EPB41L4A: variants seen among roughly 807,000 people sequenced by gnomAD.
The protein encoded by EPB41L4A is band 4.1-like protein 4A.
A neutral mutation model predicts 108.6 loss-of-function variants in EPB41L4A; 100 were observed. The ratio of observed to expected loss-of-function variants is 0.92; its 90% CI spans 0.78 to 1.09. The LOEUF is 1.09. EPB41L4A is among the 50% of genes least tolerant of loss of function. The pLI is 0.00. For synonymous variants in EPB41L4A, 319 were observed against 289.0 expected, an observed-to-expected ratio of 1.10 and a Z score of -1.05; for missense variants, 1,030 against 842.7, an observed-to-expected ratio of 1.22 and a Z score of -2.75.
chr5:112,309,671 T>C (rs991183347), intron 1 of EPB41L4A, among the ~76,000 whole-genome samples: 7 of 152,184 alleles, frequency 4.6e-5, no homozygotes, highest in African/African-American at 9.6e-5. Flanking sequence ...ACCCCTATAA[T>C]TGTGTTATGC....
chr5:112,142,001 A>G (rs1247338504), downstream of EPB41L4A, among the ~76,000 whole-genome samples: 1 of 152,170 alleles, frequency 6.6e-6, no homozygotes, highest in Non-Finnish European at 1.5e-5. Context: ...TGAAAGGAGG[A>G]TTTGAGCCGA....
At chr5:112,280,742 TATA>T (rs1358800913) in intron 2 of EPB41L4A, among the ~76,000 whole-genome samples, 1 of 152,204 alleles carries the variant, frequency 6.6e-6, no homozygotes, top group Non-Finnish European at 1.5e-5. Context: ...TCATACTGAT[TATA>T]ATGTGACATC....
intron 8 of EPB41L4A, 39 bp downstream of exon 8, chr5:112,259,852 A>C: frequency 6.5e-7 from 1 of 1,528,042 alleles, no homozygotes; most frequent in Non-Finnish European, 9.1e-7. Flanking sequence ...CATAAGCCCA[A>C]AACATAGAAT....
At chr5:112,311,258 C>T (rs565673268) in intron 1 of EPB41L4A, among the ~76,000 whole-genome samples, 29 of 152,186 alleles carry the variant, frequency 1.9e-4, no homozygotes, top group African/African-American at 6.5e-4. Context: ...AGGCCAGTAT[C>T]CCAAGTAAAA....
chr5:112,327,412 T>C (rs1756244844), intron 1 of EPB41L4A, among the ~76,000 whole-genome samples: 1 of 152,172 alleles, frequency 6.6e-6, no homozygotes, highest in African/African-American at 2.4e-5. Context: ...CCTGTTTCTC[T>C]TGTGGTAAGA....
chr5:112,231,173 A>C (rs138581847), intron 12 of EPB41L4A, among the ~76,000 whole-genome samples: 1,928 of 152,326 alleles, frequency 0.013, 14 homozygotes, highest in Non-Finnish European at 0.018. Flanking sequence ...AGATTGGTTG[A>C]ATTGTCACAT....
At chr5:112,236,024 C>T (rs1464334763) in intron 11 of EPB41L4A, among the ~76,000 whole-genome samples, 2 of 152,124 alleles carry the variant, frequency 1.3e-5, no homozygotes, top group African/African-American at 2.4e-5. Flanking sequence ...AAGATAAGGC[C>T]TACTTTCAAC....
chr5:112,321,525 G>A (rs966881681), intron 1 of EPB41L4A, among the ~76,000 whole-genome samples: 4 of 152,140 alleles, frequency 2.6e-5, no homozygotes, highest in African/African-American at 7.2e-5. Context: ...TTGGCAAAAT[G>A]CTCTCTCCTA....
chr5:112,188,640 T>C lies in EPB41L4A; in HGVS notation c.1503-4505A>G, dbSNP rs140187805. On this transcript the variant is annotated intron_variant, in intron 17 of 22. Coordinates refer to ENST00000261486, the MANE Select transcript of EPB41L4A (RefSeq NM_022140.5). ...AAAGTAGAAATCAGAAACCCTTGCA[T>C]CTGCAGTACGGTGAACACTGTTTCC... Among the ~76,000 whole-genome samples, 210 of 152,274 alleles carry C rather than the reference T, an allele frequency of 1.4e-3. 2 individuals are homozygous for C. Among genetic ancestry groups the C allele is most frequent in the African/African-American group, 4.7e-3 (196 of 41,550 alleles).
intron 7 of EPB41L4A, among the ~76,000 whole-genome samples, chr5:112,261,571 T>C (rs1646863596): frequency 1.3e-5 from 2 of 152,232 alleles, no homozygotes; most frequent in African/African-American, 4.8e-5. Context: ...ATTGGTAGCC[T>C]AAGAGAAGTA....
rs928953785 is a variant in EPB41L4A, at chr5:112,195,568, A to T, written c.1424+93T>A. Reference sequence around the variant, plus strand: ...TTTTGAAAGTAAAAAAAATAAAAAAAAATAATGCCCCCGCTCTTTCCTTAA... The same window carrying T: ...TTTTGAAAGTAAAAAAAATAAAAAATAATAATGCCCCCGCTCTTTCCTTAA... On this transcript the variant is annotated intron_variant, in intron 16 of 22. Transcript: ENST00000261486. The T allele has an allele frequency of 2.7e-5, 29 of 1,082,246 alleles. No homozygotes were observed. The African/African-American group carries it at 2.7e-4, about 10-fold the overall frequency. The allele number at this position is 1,082,246 out of a possible 1,614,324, so 67.0% of individuals were successfully genotyped here.
At chr5:112,146,738 G>A (rs995873376) in intron 12 of EPB41L4A, among the ~76,000 whole-genome samples, 15 of 152,088 alleles carry the variant, frequency 9.9e-5, no homozygotes, top group South Asian at 6.2e-4. Context: ...TTTAACCCTC[G>A]TTGCTACTGG....
chr5:112,345,311 T>C (rs1413755695), intron 1 of EPB41L4A, among the ~76,000 whole-genome samples: 1 of 152,026 alleles, frequency 6.6e-6, no homozygotes. Flanking sequence ...AAATATGAAA[T>C]AATAGGGAAC....
At chr5:112,251,837 C>G (rs1750696592) in intron 9 of EPB41L4A, among the ~76,000 whole-genome samples, 1 of 152,024 alleles carries the variant, frequency 6.6e-6, no homozygotes. Context: ...TACATGAGCA[C>G]AGGAATGAAG....
chr5:112,341,729 T>A (rs1266823022), intron 1 of EPB41L4A, among the ~76,000 whole-genome samples: 1 of 150,824 alleles, frequency 6.6e-6, no homozygotes, highest in Non-Finnish European at 1.5e-5. Flanking sequence ...CTGTGCAACA[T>A]GGCAAAACCC....
chr5:112,335,606 G>A (rs559296608), intron 1 of EPB41L4A, among the ~76,000 whole-genome samples: 3 of 152,152 alleles, frequency 2.0e-5, no homozygotes, highest in Non-Finnish European at 4.4e-5. Context: ...ACCTGACCAT[G>A]GCTCTCCACC....
Position 112,234,799 on chromosome 5 carries a change from G to A in EPB41L4A, c.966-44C>T, listed in dbSNP as rs868714276. The A allele has an allele frequency of 4.4e-6, 7 of 1,576,900 alleles. 1 individual carries two copies. In the Middle Eastern group the frequency reaches 1.2e-3, roughly 268 times the overall value. ...TGATTAGCAAAGGTAAAACCACACA[G>A]CCACAAAATTAAACAACAGGTCATT... On this transcript the variant is annotated intron_variant, in intron 11 of 22. Coordinates refer to ENST00000261486, the MANE Select transcript of EPB41L4A (RefSeq NM_022140.5).
At chr5:112,317,167 C>T (rs918445233) in intron 1 of EPB41L4A, among the ~76,000 whole-genome samples, 3 of 152,226 alleles carry the variant, frequency 2.0e-5, no homozygotes, top group African/African-American at 7.2e-5. Context: ...CAACCTACCA[C>T]ATCTTTTTTT....
At chr5:112,364,948 G>T (rs749733934) in intron 1 of EPB41L4A, among the ~76,000 whole-genome samples, 1 of 152,106 alleles carries the variant, frequency 6.6e-6, no homozygotes, top group Non-Finnish European at 1.5e-5. Context: ...AGTATTATTT[G>T]ATGGGGTAAA....
Sources: gnomAD v4.1 joint callset for allele counts (sites outside exome capture counted in the v4.1 genomes callset) on GRCh38, gnomAD v4.1.1 for gene constraint, MANE v1.5 for transcripts, NCBI Gene and HGNC (gene_info 2026-07-23, HGNC 2026-07-21) for gene names.